The following ABCC1 variants were observed in gnomAD, a reference collection of about 807,000 sequenced individuals.
ABCC1 encodes the protein ATP binding cassette subfamily C member 1 (ABCC1 blood group).
Under a neutral mutation model 172.9 loss-of-function variants are expected in ABCC1, and 83 were observed. The ratio of observed to expected loss-of-function variants is 0.48; its 90% confidence interval spans 0.40 to 0.58. The LOEUF is 0.58. ABCC1 is among the 20% of genes least tolerant of loss of function. The probability of loss-of-function intolerance (pLI) is 0.00; values close to 1 mark genes in which losing one functional copy is unlikely to be tolerated. For synonymous variants in ABCC1, 937 were observed against 825.2 expected, an observed-to-expected ratio of 1.14 and a Z score of -2.32; for missense variants, 1,817 against 2,002.7, an observed-to-expected ratio of 0.91 and a Z score of 1.77.
intron 1 of ABCC1, among the ~76,000 whole-genome samples, chr16:15,997,397 C>T (rs1055640718): frequency 5.3e-5 from 8 of 152,166 alleles, no homozygotes; most frequent in East Asian, 1.9e-4. Context: ...AGCCGACTTG[C>T]GCTTTCTCTG....
At chr16:15,972,709 C>T (rs1170583119) in intron 1 of ABCC1, among the ~76,000 whole-genome samples, 1 of 151,360 alleles carries the variant, frequency 6.6e-6, no homozygotes, top group African/African-American at 2.4e-5. Flanking sequence ...TGGTTTTATG[C>T]TTCTCTAGGA....
chr16:16,019,005 G>A (rs1053522158), intron 5 of ABCC1, among the ~76,000 whole-genome samples: 31 of 152,086 alleles, frequency 2.0e-4, no homozygotes, highest in Non-Finnish European at 1.9e-4. Context: ...GCTGTTATAT[G>A]TATTGTGTAT....
intron 27 of ABCC1, among the ~76,000 whole-genome samples, chr16:16,132,791 G>C (rs1247348976): frequency 6.6e-6 from 1 of 152,054 alleles, no homozygotes; most frequent in Non-Finnish European, 1.5e-5. Context: ...CCAAGTGCTG[G>C]GATTACAGGT....
chr16:16,063,100 T>C (rs2049980998), intron 12 of ABCC1, among the ~76,000 whole-genome samples: 1 of 152,176 alleles, frequency 6.6e-6, no homozygotes, highest in South Asian at 2.1e-4. Flanking sequence ...TATTTATTTA[T>C]ATATTTATAC....
chr16:15,984,034 C>A (rs1029102423), intron 1 of ABCC1, among the ~76,000 whole-genome samples: 2 of 152,142 alleles, frequency 1.3e-5, no homozygotes, highest in African/African-American at 4.8e-5. Flanking sequence ...GTGTGTGGGT[C>A]AGGCTCTTCA....
At chr16:16,021,816 C>G (rs2048206595) in intron 5 of ABCC1, among the ~76,000 whole-genome samples, 1 of 152,164 alleles carries the variant, frequency 6.6e-6, no homozygotes. Context: ...GAACCAGGTC[C>G]TGTGAGAATC....
At chr16:16,102,507 A>G in intron 19 of ABCC1, 120 bp from the exon 20 acceptor site, 1 of 847,894 alleles carries the variant, frequency 1.2e-6, no homozygotes, top group Non-Finnish European at 1.9e-6. Flanking sequence ...CTACTTTCTG[A>G]TCATCCTGGC....
chr16:15,999,827 T>C (rs2047214183), intron 1 of ABCC1, among the ~76,000 whole-genome samples: 2 of 73,444 alleles, frequency 2.7e-5, no homozygotes, highest in African/African-American at 8.7e-5. Flanking sequence ...TCTCTCTCTC[T>C]CTCTCTGTCT....
intron 1 of ABCC1, among the ~76,000 whole-genome samples, chr16:15,998,422 C>T (rs976976660): frequency 3.9e-5 from 6 of 152,184 alleles, no homozygotes; most frequent in Admixed American, 2.0e-4. Flanking sequence ...CCACTGTGCC[C>T]GGTCCTCAGA....
intron 10 of ABCC1, among the ~76,000 whole-genome samples, chr16:16,049,365 T>C (rs540851830): frequency 6.4e-4 from 98 of 152,298 alleles, no homozygotes; most frequent in Non-Finnish European, 1.2e-3. Flanking sequence ...CTGGGTCACA[T>C]GTCCTCTCCC....
intron 6 of ABCC1, among the ~76,000 whole-genome samples, chr16:16,034,077 G>C (rs1187925589): frequency 7.5e-6 from 1 of 133,636 alleles, no homozygotes; most frequent in Non-Finnish European, 1.5e-5. Flanking sequence ...GCTGAGGCTG[G>C]AGTGCAGCGG....
chr16:15,972,114 A>G (rs1760787541), intron 1 of ABCC1, among the ~76,000 whole-genome samples: 1 of 148,676 alleles, frequency 6.7e-6, no homozygotes, highest in Admixed American at 6.7e-5. Context: ...ATGACTTTTT[A>G]TTTTAAATGG....
At chr16:16,068,683 C>G (rs1302797844) in intron 13 of ABCC1, among the ~76,000 whole-genome samples, 2 of 152,118 alleles carry the variant, frequency 1.3e-5, no homozygotes, top group African/African-American at 2.4e-5. Context: ...ACCACCCACG[C>G]TTTGAGAAAC....
chr16:16,038,019 G>T (rs998241294), intron 7 of ABCC1, among the ~76,000 whole-genome samples: 5 of 152,130 alleles, frequency 3.3e-5, no homozygotes, highest in Non-Finnish European at 5.9e-5. Flanking sequence ...GTTTATTACA[G>T]TTCTTCATGG....
At chr16:15,993,309 C>A (rs138537266) in intron 1 of ABCC1, among the ~76,000 whole-genome samples, 1 of 152,326 alleles carries the variant, frequency 6.6e-6, no homozygotes. Context: ...GGAACACCAG[C>A]TCCTGCAACC....
intron 1 of ABCC1, among the ~76,000 whole-genome samples, chr16:15,990,682 C>T (rs2046840712): frequency 6.6e-6 from 1 of 151,802 alleles, no homozygotes; most frequent in South Asian, 2.1e-4. Flanking sequence ...CAGAGTCTTG[C>T]TCTGTCTCCC....
rs577137224 is a variant in ABCC1 at position 16,140,676 on chromosome 16, C to T, written c.4488-497C>T. On this transcript the variant is annotated intron_variant, in intron 30 of 30. Coordinates refer to ENST00000399410, the MANE Select transcript of ABCC1 (RefSeq NM_004996.4). ...CACAGGCCACAGATCTGGCCCCCTG[C>T]GTGTTTTTATGAATAAAGTTTTATT... Among the ~76,000 whole-genome samples the T allele has an allele frequency of 1.2e-4, 18 of 152,324 alleles. No homozygotes were observed. In the South Asian group the frequency reaches 1.9e-3, roughly 16 times the overall value.
At chr16:15,974,935 T>G (rs1228672792) in intron 1 of ABCC1, among the ~76,000 whole-genome samples, 1 of 152,140 alleles carries the variant, frequency 6.6e-6, no homozygotes, top group Non-Finnish European at 1.5e-5. Context: ...ACAAGTTGTT[T>G]GCCACCATGC....
intron 1 of ABCC1, among the ~76,000 whole-genome samples, chr16:16,002,124 G>C (rs913746391): frequency 6.6e-6 from 1 of 152,160 alleles, no homozygotes; most frequent in Non-Finnish European, 1.5e-5. Flanking sequence ...CCAGGAGACC[G>C]ATGGAAGTCA....
Sources: allele counts gnomAD v4.1 joint callset (sites outside exome capture counted in the v4.1 genomes callset), GRCh38; gene constraint gnomAD v4.1.1; transcripts MANE v1.5; gene names NCBI Gene and HGNC (gene_info 2026-07-23, HGNC 2026-07-21).